The following SNCAIP variants were observed in gnomAD, a reference collection of about 807,000 sequenced individuals.
The protein encoded by SNCAIP is synuclein alpha interacting protein, also known as synphilin-1.
SNCAIP carries 43 observed loss-of-function variants against 86.7 expected under a neutral mutation model. That is an observed-to-expected ratio of 0.50 (90% CI 0.39 to 0.64). The LOEUF (loss-of-function observed/expected upper bound fraction) is 0.64. Among genes scored for constraint, SNCAIP ranks in the 30% least tolerant of loss-of-function variants. SNCAIP has a pLI of 0.00. For synonymous variants in SNCAIP, 417 were observed against 427.2 expected, an observed-to-expected ratio of 0.98 and a Z score of 0.29; for missense variants, 981 against 1,103.1, an observed-to-expected ratio of 0.89 and a Z score of 1.57.
At chr5:122,398,467 A>G (rs956101047) in intron 2 of SNCAIP, among the ~76,000 whole-genome samples, 5 of 152,108 alleles carry the variant, frequency 3.3e-5, no homozygotes, top group African/African-American at 1.2e-4. Flanking sequence ...GAAAAATATT[A>G]TGTTCTGAAA....
At chr5:122,412,603 C>T (rs1396666957) in intron 3 of SNCAIP, among the ~76,000 whole-genome samples, 1 of 152,108 alleles carries the variant, frequency 6.6e-6, no homozygotes, top group Non-Finnish European at 1.5e-5. Context: ...TAATAGGACC[C>T]TCCCTCTGCC....
intron 1 of SNCAIP, among the ~76,000 whole-genome samples, chr5:122,329,880 G>A (rs1754897687): frequency 6.6e-6 from 1 of 152,130 alleles, no homozygotes; most frequent in African/African-American, 2.4e-5. Context: ...CTTAGGAGTT[G>A]TCAATGGAGA....
intron 3 of SNCAIP, among the ~76,000 whole-genome samples, chr5:122,416,952 T>C (rs563576204): frequency 6.6e-6 from 1 of 152,340 alleles, no homozygotes; most frequent in African/African-American, 2.4e-5. Flanking sequence ...TGACCCCTTT[T>C]TTCCTCATGG....
At chr5:122,448,689 A>ATT (rs963812074) in intron 8 of SNCAIP, among the ~76,000 whole-genome samples, 2 of 99,516 alleles carry the variant, frequency 2.0e-5, no homozygotes, top group Non-Finnish European at 4.6e-5. Flanking sequence ...TTATATATAT[A>ATT]TTATATATAT....
chr5:122,361,673 T>A (rs1299523275), intron 1 of SNCAIP, among the ~76,000 whole-genome samples: 1 of 152,100 alleles, frequency 6.6e-6, no homozygotes, highest in Non-Finnish European at 1.5e-5. Flanking sequence ...GTTACTGTCA[T>A]CCTCTGATGA....
intron 8 of SNCAIP, among the ~76,000 whole-genome samples, chr5:122,446,007 G>A (rs1782235321): frequency 1.3e-5 from 2 of 151,934 alleles, no homozygotes; most frequent in African/African-American, 4.8e-5. Context: ...TTGAAAAAAA[G>A]GGGTTACTGC....
chr5:122,347,078 A>C (rs190257831), intron 1 of SNCAIP, among the ~76,000 whole-genome samples: 207 of 152,196 alleles, frequency 1.4e-3, no homozygotes, highest in African/African-American at 4.7e-3. Flanking sequence ...GAGTGAGCTA[A>C]TCTTTATCAT....
intron 2 of SNCAIP, among the ~76,000 whole-genome samples, chr5:122,397,552 TA>T: frequency 6.6e-6 from 1 of 152,262 alleles, no homozygotes; most frequent in East Asian, 1.9e-4. Flanking sequence ...AAAAATAAGG[TA>T]CCAGAGCAAA....
At chr5:122,339,074 T>G (rs914236574) in intron 1 of SNCAIP, among the ~76,000 whole-genome samples, 2 of 152,164 alleles carry the variant, frequency 1.3e-5, no homozygotes, top group East Asian at 3.8e-4. Flanking sequence ...TAGTGGATAC[T>G]GACAAATTGA....
chr5:122,347,455 A>T (rs758227611), intron 1 of SNCAIP, among the ~76,000 whole-genome samples: 1 of 150,830 alleles, frequency 6.6e-6, no homozygotes, highest in Non-Finnish European at 1.5e-5. Context: ...GACTGCAAAG[A>T]TAACAATAGT....
chr5:122,422,564 G>T (rs1776600591), intron 3 of SNCAIP, among the ~76,000 whole-genome samples: 1 of 152,146 alleles, frequency 6.6e-6, no homozygotes, highest in African/African-American at 2.4e-5. Flanking sequence ...TATTGCCAGG[G>T]AGGTAGATCT....
chr5:122,360,083 T>G (rs1761909592), intron 1 of SNCAIP, among the ~76,000 whole-genome samples: 1 of 152,214 alleles, frequency 6.6e-6, no homozygotes, highest in Non-Finnish European at 1.5e-5. Context: ...CAGAAAAACC[T>G]TGTTCCAGGG....
chr5:122,386,666 T>G (rs73287506), intron 1 of SNCAIP, among the ~76,000 whole-genome samples: 2 of 152,010 alleles, frequency 1.3e-5, no homozygotes, highest in Admixed American at 6.5e-5. Flanking sequence ...CATATAGTTC[T>G]CAGCAGCCGA....
intron 3 of SNCAIP, among the ~76,000 whole-genome samples, chr5:122,409,887 G>A (rs2152892658): frequency 6.6e-6 from 1 of 152,288 alleles, no homozygotes; most frequent in Non-Finnish European, 1.5e-5. Context: ...TGAAAGTGAA[G>A]GTTGGTATGG....
rs867263264 is a variant in SNCAIP at position 122,335,914 on chromosome 5, C to A, written c.-47+23630C>A. Among the ~76,000 whole-genome samples, 3 of 152,154 alleles carry A rather than the reference C, an allele frequency of 2.0e-5. No homozygotes were observed. The South Asian group carries it at 6.2e-4, about 32-fold the overall frequency. On this transcript the variant is annotated intron_variant, in intron 1 of 10. Transcript: ENST00000261368. ...GGCAACATCTTTCCCAGGAGCTGGG[C>A]GAATATGTCCTTAAGTCCTGTAAAA...
intron 10 of SNCAIP, among the ~76,000 whole-genome samples, chr5:122,453,691 A>G (rs934924580): frequency 1.2e-4 from 18 of 151,854 alleles, no homozygotes; most frequent in Admixed American, 3.3e-4. Flanking sequence ...GTGGGATGAA[A>G]CCAGTATGCC....
chr5:122,428,364 G>A (rs1777753486), intron 5 of SNCAIP, among the ~76,000 whole-genome samples: 1 of 152,014 alleles, frequency 6.6e-6, no homozygotes, highest in South Asian at 2.1e-4. Context: ...AAGTAATACT[G>A]GTTTCAAACT....
chr5:122,327,808 A>G (rs961046586), intron 1 of SNCAIP, among the ~76,000 whole-genome samples: 14 of 152,188 alleles, frequency 9.2e-5, no homozygotes, highest in African/African-American at 3.4e-4. Flanking sequence ...CTTCTAGCTA[A>G]TTTCTGTCTG....
At chr5:122,329,835 C>T (rs1222366010) in intron 1 of SNCAIP, among the ~76,000 whole-genome samples, 1 of 152,116 alleles carries the variant, frequency 6.6e-6, no homozygotes. Context: ...GAATTACTCT[C>T]ATCAAAATGG....
Sources: allele counts gnomAD v4.1 joint callset (sites outside exome capture counted in the v4.1 genomes callset), GRCh38; gene constraint gnomAD v4.1.1; transcripts MANE v1.5; gene names NCBI Gene and HGNC (gene_info 2026-07-23, HGNC 2026-07-21).